The following CORO1B variants were observed in gnomAD, a reference collection of about 807,000 sequenced individuals.
The protein encoded by CORO1B is coronin 1B.
Under a neutral mutation model 51.1 loss-of-function variants are expected in CORO1B, and 30 were observed. The observed-to-expected ratio is 0.59, with a 90% confidence interval of 0.44 to 0.80. The LOEUF (loss-of-function observed/expected upper bound fraction) is 0.80, where lower values mean the gene tolerates loss of function less well. Among genes scored for constraint, CORO1B ranks in the 30% least tolerant of loss-of-function variants. The pLI, the probability that CORO1B is intolerant of heterozygous loss-of-function variation, is 0.00. For synonymous variants in CORO1B, 310 were observed against 289.7 expected (o/e 1.07, Z -0.71); for missense variants, 648 against 700.4 (o/e 0.93, Z 0.84).
At position 67,442,618 on chromosome 11, in the gene CORO1B, C is replaced by T. The variant is rs778939059; in HGVS notation, c.11G>A (p.Arg4His). The change falls in exon 2 of 11, where the codon CGC (arginine) becomes CAC (histidine). Residue 4 changes from arginine (R) to histidine (H), a missense_variant. Coordinates refer to ENST00000341356, the MANE Select transcript of CORO1B (RefSeq NM_020441.3). MSF[R>H]KVVRQSKFRH... is the part of the protein sequence containing the mutation. The stretch of plus-strand genomic sequence containing the variant: ...GAATTTGCTCTGCCGGACCACTTTG[C>T]GGAAGGACATGTCTGCGGGACAGAG... 1.2e-6 allele frequency: 2 copies of T among 1,613,550 alleles called. No individual in the cohort carries two copies. Among genetic ancestry groups the T allele is most frequent in the South Asian group, 1.1e-5 (1 of 91,086 alleles).
chr11:67,436,470 C>G lies in CORO1B; in HGVS notation c.*1906G>C. ...CTCTTTGGGATCCTCTTGGGACAGC[C>G]AAGCAGAAAAGGCCAAGGCCTTATT... On this transcript the variant is annotated 3_prime_UTR_variant, in exon 11 of 11. Coordinates refer to ENST00000341356, the MANE Select transcript of CORO1B (RefSeq NM_020441.3). 8.2e-7 allele frequency: 1 copy of G among 1,224,888 alleles called. No homozygotes were observed. Among genetic ancestry groups the G allele is most frequent in the Non-Finnish European group, 1.1e-6 (1 of 922,478 alleles). The allele number at this position is 1,224,888 out of a possible 1,614,324, so 75.9% of individuals were successfully genotyped here.
Position 67,440,172 on chromosome 11 carries a change from C to T in CORO1B, c.953G>A (p.Gly318Asp). Reference sequence around the variant, plus strand: ...GCCCCGCTTGGGCATGCTGCCCATACCCCGCTGCGGCTCCTTGCTGGTGAA... The same window carrying T: ...GCCCCGCTTGGGCATGCTGCCCATATCCCGCTGCGGCTCCTTGCTGGTGAA... The part of the protein sequence containing the change: ...NTFTSKEPQR[G>D]MGSMPKRGLE... The change falls in exon 8 of 11, where the codon GGT (glycine) becomes GAT (aspartate). Residue 318 changes from glycine to aspartate, a missense_variant. Coordinates refer to ENST00000341356, the MANE Select transcript of CORO1B (RefSeq NM_020441.3). The T allele has an allele frequency of 6.2e-7, 1 of 1,613,848 alleles. No individual in the cohort carries two copies. Among genetic ancestry groups the T allele is most frequent in the Non-Finnish European group, 8.5e-7 (1 of 1,180,000 alleles).
rs1239154044 is a variant in CORO1B at position 67,436,234 on chromosome 11, C to T, written c.*2142G>A. 1 of 1,546,758 alleles carries T rather than the reference C, an allele frequency of 6.5e-7. No individual in the cohort carries two copies. The highest frequency in any genetic ancestry group is 2.4e-5 in the East Asian group (1 of 41,130). On this transcript the variant is annotated 3_prime_UTR_variant, in exon 11 of 11. Coordinates refer to ENST00000341356, the MANE Select transcript of CORO1B (RefSeq NM_020441.3). ...CAGTGGCCAGCAGTAGGAGCAGCAG[C>T]AGCAGCAGGACAACGGTGACAGAGC...
intron 6 of CORO1B, chr11:67,440,679 A>G (rs527499367): frequency 7.4e-6 from 5 of 676,956 alleles, no homozygotes; most frequent in African/African-American, 5.3e-5. Context: ...TGCCCAGGCC[A>G]CTAAGCAAGT....
chr11:67,436,253 A>G lies in CORO1B; in HGVS notation c.*2123T>C. ...CAGCAGCAGCAGCAGGACAACGGTG[A>G]CAGAGCTGGAGCCCACGCTGTCCTC... On this transcript the variant is annotated 3_prime_UTR_variant, in exon 11 of 11. Coordinates refer to ENST00000341356, the MANE Select transcript of CORO1B (RefSeq NM_020441.3). The G allele has an allele frequency of 6.5e-7, 1 of 1,545,090 alleles. No homozygotes were observed. The highest frequency in any genetic ancestry group is 8.7e-7 in the Non-Finnish European group (1 of 1,149,280).
Position 67,437,874 on chromosome 11 carries a change from G to A in CORO1B, c.*502C>T. ...CCAACTTGAAGCTGGATGCAGCCTT[G>A]CATGTGTTCTCAGGTCTTCTGCCTC... On this transcript the variant is annotated 3_prime_UTR_variant, in exon 11 of 11. Coordinates refer to ENST00000341356, the MANE Select transcript of CORO1B (RefSeq NM_020441.3). 2 of 393,482 alleles carry A rather than the reference G, an allele frequency of 5.1e-6. No homozygotes were observed. The highest frequency in any genetic ancestry group is 9.0e-6 in the Non-Finnish European group (2 of 223,250). The allele number at this position is 393,482 out of a possible 1,614,324, so 24.4% of individuals were successfully genotyped here.
chr11:67,438,886 C>T lies in CORO1B; in HGVS notation c.1129G>A (p.Glu377Lys). The T allele has an allele frequency of 6.2e-7, 1 of 1,609,054 alleles. No homozygotes were observed. The highest frequency in any genetic ancestry group is 8.5e-7 in the Non-Finnish European group (1 of 1,178,946). Residue 377 changes from glutamate to lysine, a missense_variant, in exon 10 of 11, where the codon GAG (glutamate) becomes AAG (lysine). Glu to Lys is a moderately conservative substitution (Grantham distance 56, BLOSUM62 1). Coordinates refer to ENST00000341356, the MANE Select transcript of CORO1B (RefSeq NM_020441.3). ...GCATCCCGCCCGCTCACCCACTCCT[C>T]AGCCTCCAGGGCTGCCTCGGGCCCG... ...TAGPEAALEA[E>K]EWVSGRDADP...
chr11:67,439,910 T>C, intron 8 of CORO1B, 67 bp from the exon 9 acceptor site: 1 of 1,307,560 alleles, frequency 7.6e-7, no homozygotes, highest in Non-Finnish European at 1.0e-6. Flanking sequence ...CCAGCTCTCC[T>C]GGCATCCTCC....
At chr11:67,439,494 C>T (rs936900455) in intron 9 of CORO1B, among the ~76,000 whole-genome samples, 3 of 152,326 alleles carry the variant, frequency 2.0e-5, no homozygotes, top group Admixed American at 1.3e-4. Flanking sequence ...ATGGGTCCTG[C>T]CTCCTTCAGG....
In CORO1B at chr11:67,442,446, C is replaced by T; in HGVS notation, c.183G>A (p.Leu61=). ...GACCCACCTTGCTTAGGGGGAGCACCAGAAAGGCACCCCCTCCACTGGCCT... is the reference window on the plus strand; with the variant it reads ...GACCCACCTTGCTTAGGGGGAGCACTAGAAAGGCACCCCCTCCACTGGCCT... ...IVEASGGGAF[L]VLPLSKTGRI... The change falls in exon 2 of 11, where the codon CTG becomes CTA. Residue 61 remains leucine (L), a synonymous_variant. Transcript: ENST00000341356. The T allele has an allele frequency of 6.2e-7, 1 of 1,613,256 alleles. No individual in the cohort carries two copies. Among genetic ancestry groups the T allele is most frequent in the Non-Finnish European group, 8.5e-7 (1 of 1,180,004 alleles).
chr11:67,439,867 G>A (rs1286522452), intron 8 of CORO1B, 24 bp from the exon 9 acceptor site: 6 of 1,560,500 alleles, frequency 3.8e-6, no homozygotes, highest in Middle Eastern at 1.7e-4. Context: ...GAGGAGCCAC[G>A]GGTGGAACCC....
In CORO1B at chr11:67,441,139, C is replaced by T. The variant is rs1292402885; in HGVS notation, c.742G>A (p.Ala248Thr). Residue 248 changes from alanine (A) to threonine (T), a missense_variant, in exon 6 of 11, where the codon GCG (alanine) becomes ACG (threonine). Ala to Thr is a moderately conservative substitution (Grantham distance 58). Transcript: ENST00000341356. ...TGGCCACTCACTGGGTCCCAGAGCGCCAGCTGCCGCTCGCTCATTCGGCTG... is the reference window on the plus strand; with the variant it reads ...TGGCCACTCACTGGGTCCCAGAGCGTCAGCTGCCGCTCGCTCATTCGGCTG... Reference protein sequence around the residue: ...GFSRMSERQLALWDPENLEEP... With the variant: ...GFSRMSERQLTLWDPENLEEP... The T allele has an allele frequency of 3.7e-6, 6 of 1,613,018 alleles. No individual in the cohort carries two copies. The Middle Eastern group carries it at 4.9e-4, about 133-fold the overall frequency.
In CORO1B at chr11:67,441,817, G is replaced by A. The variant is rs1241496481; in HGVS notation, c.370C>T (p.Pro124Ser). The change falls in exon 4 of 11, where the codon CCG becomes TCG. Residue 124 changes from proline (P) to serine (S), a missense_variant. Pro to Ser is a moderately conservative substitution (Grantham distance 74). Transcript: ENST00000341356. The stretch of plus-strand genomic sequence containing the variant: ...GTGTGCCCCTCCAGTACCACCACCG[G>A]CTCTGTCAGCGGGGAGGTCAGCCCG... Reference protein sequence around the residue: ...ENGLTSPLTEPVVVLEGHTKR... With the variant: ...ENGLTSPLTESVVVLEGHTKR... 3 of 1,613,124 alleles carry A rather than the reference G, an allele frequency of 1.9e-6. No individual in the cohort carries two copies. The highest frequency in any genetic ancestry group is 2.2e-5 in the South Asian group (2 of 91,084).
Position 67,436,170 on chromosome 11 carries a change from C to T in CORO1B, c.*2206G>A. The T allele has an allele frequency of 6.4e-7, 1 of 1,562,286 alleles. No homozygotes were observed. The highest frequency in any genetic ancestry group is 1.2e-5 in the South Asian group (1 of 85,682). The stretch of plus-strand genomic sequence containing the variant: ...AGGCGGGCCGGGTGGTAGTAGCCCC[C>T]TGAGTCACGGCTGAGGCGGCGCCAG... On this transcript the variant is annotated 3_prime_UTR_variant, in exon 11 of 11. Transcript: ENST00000341356.
Position 67,436,165 on chromosome 11 carries a change from G to GC in CORO1B, c.*2210dup. The GC allele has an allele frequency of 1.3e-6, 2 of 1,564,102 alleles. No individual in the cohort carries two copies. The highest frequency in any genetic ancestry group is 8.7e-7 in the Non-Finnish European group (1 of 1,154,950). ...CACCTAGGCGGGCCGGGTGGTAGTA[G>GC]CCCCCTGAGTCACGGCTGAGGCGGC... On this transcript the variant is annotated 3_prime_UTR_variant, in exon 11 of 11. Transcript: ENST00000341356.
In CORO1B at chr11:67,443,426, G is replaced by T; in HGVS notation, c.-25C>A. The T allele has an allele frequency of 1.0e-6, 1 of 984,222 alleles. No individual in the cohort carries two copies. The highest frequency in any genetic ancestry group is 1.7e-5 in the African/African-American group (1 of 57,326). 61.0% of individuals were successfully genotyped at this position (984,222 alleles called of 1,614,324 possible). ...CACCGGGGGCACCGGGGGCGCAGGG[G>T]GCTGCGGCACCGGCTTCGGGCGGCT... On this transcript the variant is annotated 5_prime_UTR_variant, in exon 1 of 11. Transcript: ENST00000341356.
chr11:67,435,809 G>T lies in CORO1B; in HGVS notation c.*2567C>A. The T allele has an allele frequency of 6.2e-7, 1 of 1,600,824 alleles. No individual in the cohort carries two copies. Among genetic ancestry groups the T allele is most frequent in the Non-Finnish European group, 8.5e-7 (1 of 1,174,686 alleles). Reference sequence around the variant, plus strand: ...ATCCCAGGCTGCGCTGCCAGCAAAGGCGTGCAGGTCACTCAGCAGGGCCTC... The same window carrying T: ...ATCCCAGGCTGCGCTGCCAGCAAAGTCGTGCAGGTCACTCAGCAGGGCCTC... On this transcript the variant is annotated 3_prime_UTR_variant, in exon 11 of 11. Transcript: ENST00000341356.
Position 67,436,196 on chromosome 11 carries a change from G to C in CORO1B, c.*2180C>G. The C allele has an allele frequency of 6.4e-7, 1 of 1,552,462 alleles. No individual in the cohort carries two copies. Among genetic ancestry groups the C allele is most frequent in the South Asian group, 1.2e-5 (1 of 84,868 alleles). On this transcript the variant is annotated 3_prime_UTR_variant, in exon 11 of 11. Transcript: ENST00000341356. ...TGAGTCACGGCTGAGGCGGCGCCAG[G>C]CCAGTGCTAGGCCAGTGGCCAGCAG...
At position 67,435,589 on chromosome 11, in the gene CORO1B, A is replaced by C; in HGVS notation, c.*2787T>G. On this transcript the variant is annotated 3_prime_UTR_variant, in exon 11 of 11. Transcript: ENST00000341356. Reference sequence around the variant, plus strand: ...GGGCCGTTCCCGTGGTGAGCGGGGTACACATGGACTTGGGAACTGGTAGGG... The same window carrying C: ...GGGCCGTTCCCGTGGTGAGCGGGGTCCACATGGACTTGGGAACTGGTAGGG... The C allele has an allele frequency of 7.9e-7, 1 of 1,262,546 alleles. No homozygotes were observed. The highest frequency in any genetic ancestry group is 1.1e-6 in the Non-Finnish European group (1 of 934,306). The allele number at this position is 1,262,546 out of a possible 1,614,324, so 78.2% of individuals were successfully genotyped here. A position where few individuals can be genotyped will look rare whatever the true frequency, so the allele number is the denominator to read the frequency against.
Sources: gnomAD v4.1 joint callset for allele counts (sites outside exome capture counted in the v4.1 genomes callset) on GRCh38, gnomAD v4.1.1 for gene constraint, MANE v1.5 for transcripts, NCBI Gene and HGNC (gene_info 2026-07-23, HGNC 2026-07-21) for gene names.